The following ITPR2 variants were observed in gnomAD, a reference collection of about 807,000 sequenced individuals.
The protein encoded by ITPR2 is inositol 1,4,5-trisphosphate-gated calcium channel ITPR2.
Under a neutral mutation model 317.1 loss-of-function variants are expected in ITPR2, and 207 were observed. The ratio of observed to expected loss-of-function variants is 0.65; its 90% CI spans 0.58 to 0.73. ITPR2 has a LOEUF of 0.73. ITPR2 is among the 30% of genes least tolerant of loss of function. The probability of loss-of-function intolerance (pLI) is 0.00; values close to 1 mark genes in which losing one functional copy is unlikely to be tolerated. For synonymous variants in ITPR2, 1,156 were observed against 1,149.1 expected (o/e 1.01, Z -0.12); for missense variants, 2,613 against 3,284.0 (o/e 0.80, Z 4.99).
At chr12:26,350,278 C>A (rs1938439068) in intron 55 of ITPR2, among the ~76,000 whole-genome samples, 1 of 152,180 alleles carries the variant, frequency 6.6e-6, no homozygotes, top group South Asian at 2.1e-4. Context: ...ACACTGGGCT[C>A]TGGAGTTTCA....
chr12:26,707,795 G>A (rs1048299109), intron 9 of ITPR2, among the ~76,000 whole-genome samples: 3 of 152,082 alleles, frequency 2.0e-5, no homozygotes, highest in African/African-American at 4.8e-5. Context: ...CTCCTAAAGT[G>A]CTGGGAATAC....
intron 10 of ITPR2, among the ~76,000 whole-genome samples, chr12:26,688,275 A>G (rs1948167616): frequency 6.6e-6 from 1 of 152,110 alleles, no homozygotes; most frequent in South Asian, 2.1e-4. Context: ...TCTTGAGCTC[A>G]AGCGATCCTC....
rs3056894 is a variant in ITPR2 at position 26,513,748 on chromosome 12, TCACACACACA to T, written c.5074-18498_5074-18489del. ...TCCAAATTTCCTTTATTGCCAATTA[TCACACACACA>T]CACACACACACACACACACATGCAA... On this transcript the variant is annotated intron_variant, in intron 37 of 56. Coordinates refer to ENST00000381340, the MANE Select transcript of ITPR2 (RefSeq NM_002223.4). Among the ~76,000 whole-genome samples the T allele has an allele frequency of 1.5e-4, 22 of 149,416 alleles. No homozygotes were observed. In the East Asian group the frequency reaches 2.0e-3, roughly 13 times the overall value.
intron 55 of ITPR2, among the ~76,000 whole-genome samples, chr12:26,380,759 G>A (rs538110897): frequency 7.2e-5 from 11 of 152,230 alleles, no homozygotes; most frequent in South Asian, 4.1e-4. Flanking sequence ...TAGAAGACTC[G>A]ATGGCTTTCA....
At chr12:26,362,825 T>C (rs1426100595) in intron 55 of ITPR2, among the ~76,000 whole-genome samples, 1 of 152,192 alleles carries the variant, frequency 6.6e-6, no homozygotes, top group Admixed American at 6.5e-5. Context: ...CTTCCTAGTG[T>C]AGCTGAAAGA....
Position 26,513,622 on chromosome 12 carries a change from A to T in ITPR2, c.5074-18362T>A, listed in dbSNP as rs574676864. Reference sequence around the variant, plus strand: ...CTGCCATGAAAAGTCATCTGGGAATATAATTTCATCTACACCCAAGTTTTC... The same window carrying T: ...CTGCCATGAAAAGTCATCTGGGAATTTAATTTCATCTACACCCAAGTTTTC... On this transcript the variant is annotated intron_variant, in intron 37 of 56. Coordinates refer to ENST00000381340, the MANE Select transcript of ITPR2 (RefSeq NM_002223.4). 4.0e-3 allele frequency among the ~76,000 whole-genome samples: 613 copies of T among 151,836 alleles called. 12 individuals carry two copies. Among genetic ancestry groups the T allele is most frequent in the Admixed American group, 0.027 (412 of 15,268 alleles).
At chr12:26,650,624 A>C (rs1947227349) in intron 21 of ITPR2, among the ~76,000 whole-genome samples, 2 of 152,218 alleles carry the variant, frequency 1.3e-5, no homozygotes, top group Non-Finnish European at 2.9e-5. Flanking sequence ...TGTCTTTAAT[A>C]AAATACTCTT....
chr12:26,427,843 G>A (rs1314963368), intron 49 of ITPR2, 70 bp downstream of exon 49: 4 of 1,024,982 alleles, frequency 3.9e-6, no homozygotes, highest in African/African-American at 1.7e-5. Context: ...AAAGCTTATA[G>A]TTATATTTTT....
At chr12:26,422,317 T>C (rs1940925332) in intron 49 of ITPR2, among the ~76,000 whole-genome samples, 1 of 147,900 alleles carries the variant, frequency 6.8e-6, no homozygotes, top group Non-Finnish European at 1.5e-5. Context: ...TAATACTTTA[T>C]TGAATAATTT....
intron 1 of ITPR2, among the ~76,000 whole-genome samples, chr12:26,815,096 T>G (rs1950827539): frequency 6.6e-6 from 1 of 152,206 alleles, no homozygotes; most frequent in Non-Finnish European, 1.5e-5. Context: ...CCCAGCACTC[T>G]GGGAGGCCGA....
intron 1 of ITPR2, among the ~76,000 whole-genome samples, chr12:26,790,432 C>T (rs191268902): frequency 6.8e-4 from 104 of 152,206 alleles, no homozygotes; most frequent in South Asian, 1.7e-3. Flanking sequence ...ACATTGGAAA[C>T]ATTGTTAAGA....
In ITPR2 at chr12:26,354,853, A is replaced by T. The variant is rs528022469; in HGVS notation, c.7858-14525T>A. Among the ~76,000 whole-genome samples, 10 of 152,168 alleles carry T rather than the reference A, an allele frequency of 6.6e-5. No homozygotes were observed. In the East Asian group the frequency reaches 1.9e-3, roughly 29 times the overall value. ...ACGCCCAGCTAATTTTTGTATTTTT[A>T]GTAGAGACAGGGTTTCTCCATGTTG... On this transcript the variant is annotated intron_variant, in intron 55 of 56. Transcript: ENST00000381340.
At chr12:26,806,015 A>C (rs1432882706) in intron 1 of ITPR2, among the ~76,000 whole-genome samples, 4 of 152,136 alleles carry the variant, frequency 2.6e-5, no homozygotes, top group African/African-American at 9.7e-5. Context: ...AGAGAGAGAC[A>C]GAAGTGGGAA....
intron 36 of ITPR2, among the ~76,000 whole-genome samples, chr12:26,554,746 G>C (rs1944619471): frequency 6.6e-6 from 1 of 151,078 alleles, no homozygotes; most frequent in African/African-American, 2.4e-5. Flanking sequence ...GGAGATGAAG[G>C]GTATTTATCA....
chr12:26,394,027 G>A (rs1939922220), intron 54 of ITPR2, among the ~76,000 whole-genome samples: 1 of 152,140 alleles, frequency 6.6e-6, no homozygotes. Flanking sequence ...GATAAGACAT[G>A]GATCTGGTTC....
chr12:26,689,575 G>A (rs1948195283), intron 10 of ITPR2, among the ~76,000 whole-genome samples: 1 of 152,128 alleles, frequency 6.6e-6, no homozygotes, highest in Non-Finnish European at 1.5e-5. Flanking sequence ...TGAAAATCTA[G>A]GTGTTATAAT....
Position 26,415,352 on chromosome 12 carries a change from A to G in ITPR2, c.7257T>C (p.Asp2419=). 1.2e-6 allele frequency: 2 copies of G among 1,612,450 alleles called. No individual in the cohort carries two copies. Among genetic ancestry groups the G allele is most frequent in the South Asian group, 1.1e-5 (1 of 90,860 alleles). ...GCCTATCAACTTCCATAGTGAAGTCATCCTTCAAAAAAAGGAACCCAATAA... is the reference window on the plus strand; with the variant it reads ...GCCTATCAACTTCCATAGTGAAGTCGTCCTTCAAAAAAAGGAACCCAATAA... The part of the protein sequence containing the change: ...FSIIGFLFLK[D]DFTMEVDRLK... Residue 2419 remains aspartate, a synonymous_variant, in exon 51 of 57, where the codon GAT becomes GAC. Transcript: ENST00000381340.
At chr12:26,700,218 A>C (rs1948420006) in intron 9 of ITPR2, among the ~76,000 whole-genome samples, 1 of 152,202 alleles carries the variant, frequency 6.6e-6, no homozygotes, top group Non-Finnish European at 1.5e-5. Flanking sequence ...ATTTATTCAC[A>C]AATTATTCAT....
At chr12:26,758,383 G>A (rs1053969763) in intron 2 of ITPR2, among the ~76,000 whole-genome samples, 4 of 152,144 alleles carry the variant, frequency 2.6e-5, no homozygotes, top group African/African-American at 9.7e-5. Flanking sequence ...TTTATTTGTT[G>A]TATATTTTTG....
Sources: gnomAD v4.1 joint callset for allele counts (sites outside exome capture counted in the v4.1 genomes callset) on GRCh38, gnomAD v4.1.1 for gene constraint, MANE v1.5 for transcripts, NCBI Gene and HGNC (gene_info 2026-07-23, HGNC 2026-07-21) for gene names.